The following ID2 variants were observed in gnomAD, a reference collection of about 807,000 sequenced individuals.
ID2 encodes inhibitor of DNA binding 2, also known as DNA-binding protein inhibitor ID-2.
A neutral mutation model predicts 8.3 loss-of-function variants in ID2; 2 were observed. That is an observed-to-expected ratio of 0.24 (90% CI 0.10 to 0.76). The LOEUF (loss-of-function observed/expected upper bound fraction) is 0.76, where lower values mean the gene tolerates loss of function less well. Ranked by LOEUF, ID2 falls within the 30% of genes least tolerant of loss-of-function variation. The pLI is 0.73. For missense variants in ID2, 155 were observed against 167.0 expected (o/e 0.93, Z 0.40); for synonymous variants, 112 against 72.3 (o/e 1.55, Z -2.79).
Position 8,684,444 on chromosome 2 carries a change from C to A in ID2, c.*767C>A, listed in dbSNP as rs932443603. 4 of 150,440 alleles carry A rather than the reference C, an allele frequency of 2.7e-5. No individual in the cohort carries two copies. The highest frequency in any genetic ancestry group is 9.9e-5 in the African/African-American group (4 of 40,526). The allele number at this position is 150,440 out of a possible 1,614,324, so 9.3% of individuals were successfully genotyped here. A position where few individuals can be genotyped will look rare whatever the true frequency, so the allele number is the denominator to read the frequency against. ...TGTATAAGATTATAATAAAACATGT[C>A]TGAAGTCAATACCTGAATTCCGAGT... On this transcript the variant is annotated 3_prime_UTR_variant, in exon 3 of 3. Coordinates refer to ENST00000396290, the MANE Select transcript of ID2 (RefSeq NM_002166.5).
At chr2:8,682,775 A>C (rs55940816) in intron 1 of ID2, 68 bp from the exon 2 acceptor site, 13,795 of 1,179,110 alleles carry the variant, frequency 0.012, 140 homozygotes, top group Middle Eastern at 0.03. Flanking sequence ...AAAAAAAAAA[A>C]AAAAAAAAAA....
intron 2 of ID2, chr2:8,683,129 A>G (rs1481700427): frequency 5.2e-6 from 3 of 573,364 alleles, no homozygotes; most frequent in African/African-American, 1.9e-5. Context: ...AATGATGCCA[A>G]TAACTTACTA....
chr2:8,682,800 AAC>A, intron 1 of ID2, 41 bp from the exon 2 acceptor site: 1 of 1,412,508 alleles, frequency 7.1e-7, no homozygotes, highest in Non-Finnish European at 9.9e-7. Context: ...CTTTCTACTT[AAC>A]ATTGTCTTAA....
rs11545142 is a variant in ID2, at chr2:8,682,191, C to T, written c.26C>T (p.Ser9Phe). The T allele has an allele frequency of 6.2e-7, 1 of 1,613,820 alleles. No individual in the cohort carries two copies. Among genetic ancestry groups the T allele is most frequent in the Non-Finnish European group, 8.5e-7 (1 of 1,180,006 alleles). The change falls in exon 1 of 3, where the codon TCC (serine) becomes TTC (phenylalanine). Residue 9 changes from serine to phenylalanine, a missense_variant. Around this residue, in one of 3 missense-constraint regions of ID2, gnomAD observed 73 missense variants for 72.2 expected, o/e 1.01. Transcript: ENST00000396290. MKAFSPVR[S>F]VRKNSLSDHS... Reference sequence around the variant, plus strand: ...ATGAAAGCCTTCAGTCCCGTGAGGTCCGTTAGGAAAAACAGCCTGTCGGAC... The same window carrying T: ...ATGAAAGCCTTCAGTCCCGTGAGGTTCGTTAGGAAAAACAGCCTGTCGGAC...
rs1003495392 is a variant in ID2, at chr2:8,682,143, T to C, written c.-23T>C. 2 of 1,596,114 alleles carry C rather than the reference T, an allele frequency of 1.3e-6. No individual in the cohort carries two copies. The highest frequency in any genetic ancestry group is 2.7e-5 in the African/African-American group (2 of 74,554). On this transcript the variant is annotated 5_prime_UTR_variant, in exon 1 of 3. Transcript: ENST00000396290. ...TTCAGGGCAGCCAGCTCCCTCCCGG[T>C]CTCGCCTTCCCTCGCGGTCAGCATG...
In ID2 at chr2:8,682,192, C is replaced by G; in HGVS notation, c.27C>G (p.Ser9=). MKAFSPVR[S]VRKNSLSDHS... ...TGAAAGCCTTCAGTCCCGTGAGGTC[C>G]GTTAGGAAAAACAGCCTGTCGGACC... Residue 9 remains serine (S), a synonymous_variant, in exon 1 of 3, where the codon TCC becomes TCG. Transcript: ENST00000396290. 2 of 1,613,792 alleles carry G rather than the reference C, an allele frequency of 1.2e-6. No homozygotes were observed. The highest frequency in any genetic ancestry group is 3.3e-4 in the Middle Eastern group (2 of 6,062).
chr2:8,683,382 A>G (rs80204205), intron 2 of ID2, among the ~76,000 whole-genome samples: 2,756 of 152,318 alleles, frequency 0.018, 105 homozygotes, highest in African/African-American at 0.063. Flanking sequence ...CTATCTGTTA[A>G]CTAAAGGGCT....
Position 8,682,165 on chromosome 2 carries a change from C to A in ID2, c.-1C>A. 6.2e-7 allele frequency: 1 copy of A among 1,611,894 alleles called. No individual in the cohort carries two copies. The highest frequency in any genetic ancestry group is 8.5e-7 in the Non-Finnish European group (1 of 1,179,056). ...CGGTCTCGCCTTCCCTCGCGGTCAG[C>A]ATGAAAGCCTTCAGTCCCGTGAGGT... is the stretch of plus-strand genomic sequence containing the variant. On this transcript the variant is annotated 5_prime_UTR_variant, in exon 1 of 3. Transcript: ENST00000396290.
chr2:8,682,783 A>G (rs1371755978), intron 1 of ID2, 60 bp from the exon 2 acceptor site: 1 of 1,308,578 alleles, frequency 7.6e-7, no homozygotes, highest in Middle Eastern at 1.8e-4. Flanking sequence ...AAAAAAAAAA[A>G]AAAACCCTTT....
rs1474427923 is a variant in ID2, at chr2:8,683,770, C to T, written c.*93C>T. On this transcript the variant is annotated 3_prime_UTR_variant, in exon 3 of 3. Coordinates refer to ENST00000396290, the MANE Select transcript of ID2 (RefSeq NM_002166.5). ...TTAAGTGCTGAACTTATTTTTCAACCATTTCACAAGGAGGACAAGTTGAAT... is the reference window on the plus strand; with the variant it reads ...TTAAGTGCTGAACTTATTTTTCAACTATTTCACAAGGAGGACAAGTTGAAT... The T allele has an allele frequency of 1.3e-5, 2 of 152,338 alleles. No individual in the cohort carries two copies. The highest frequency in any genetic ancestry group is 2.9e-5 in the Non-Finnish European group (2 of 68,028). 9.4% of individuals were successfully genotyped at this position (152,338 alleles called of 1,614,324 possible). A position where few individuals can be genotyped will look rare whatever the true frequency, so the allele number is the denominator to read the frequency against.
At chr2:8,682,582 A>G in intron 1 of ID2, 69 bp downstream of exon 1, 2 of 1,146,110 alleles carry the variant, frequency 1.7e-6, no homozygotes, top group South Asian at 1.3e-5. Context: ...TGTCACTAGG[A>G]GATCCGTAGC....
Position 8,682,263 on chromosome 2 carries a change from T to C in ID2, c.98T>C (p.Met33Thr), listed in dbSNP as rs1252358683. 1.2e-6 allele frequency: 2 copies of C among 1,614,136 alleles called. No homozygotes were observed. The highest frequency in any genetic ancestry group is 1.7e-5 in the Admixed American group (1 of 60,028). ...AGCAAAACCCCTGTGGACGACCCGA[T>C]GAGCCTGCTATACAACATGAACGAC... ...SRSKTPVDDPMSLLYNMNDCY... is the reference protein window; with the variant it reads ...SRSKTPVDDPTSLLYNMNDCY... Residue 33 changes from methionine to threonine, a missense_variant, in exon 1 of 3, where the codon ATG becomes ACG. By Grantham distance (81) the Met-to-Thr change is moderately conservative. Transcript: ENST00000396290.
chr2:8,684,159 C>T lies in ID2; in HGVS notation c.*482C>T, dbSNP rs1186880253. ...ATAAATATATCTATTTGAGTGAAAC[C>T]TTGTGAACTCTTTAATTAGAGTTTT... is the stretch of plus-strand genomic sequence containing the variant. On this transcript the variant is annotated 3_prime_UTR_variant, in exon 3 of 3. Transcript: ENST00000396290. 2.6e-5 allele frequency: 4 copies of T among 152,222 alleles called. No homozygotes were observed. Among genetic ancestry groups the T allele is most frequent in the East Asian group, 3.9e-4 (2 of 5,186 alleles). The allele number at this position is 152,222 out of a possible 1,614,324, so 9.4% of individuals were successfully genotyped here. A position where few individuals can be genotyped will look rare whatever the true frequency, so the allele number is the denominator to read the frequency against.
chr2:8,683,833 C>CT lies in ID2; in HGVS notation c.*157dup, dbSNP rs1662163987. On this transcript the variant is annotated 3_prime_UTR_variant, in exon 3 of 3. Transcript: ENST00000396290. ...AAAGAAAAAAAAAATGGAAGGAAAA[C>CT]TAAGAATGATCATCTTCCCAGGGTG... 1 of 152,416 alleles carries CT rather than the reference C, an allele frequency of 6.6e-6. No homozygotes were observed. Among genetic ancestry groups the CT allele is most frequent in the Non-Finnish European group, 1.5e-5 (1 of 68,012 alleles). 9.4% of individuals were successfully genotyped at this position (152,416 alleles called of 1,614,324 possible).
chr2:8,682,604 C>T lies in ID2; in HGVS notation c.348+91C>T, dbSNP rs987560202. On this transcript the variant is annotated intron_variant, in intron 1 of 2. Transcript: ENST00000396290. ...AGGAGATCCGTAGCCCAGACGGTGACTTTCGTATGAGCTATTTAACTTTAT... is the reference window on the plus strand; with the variant it reads ...AGGAGATCCGTAGCCCAGACGGTGATTTTCGTATGAGCTATTTAACTTTAT... 2.0e-5 allele frequency: 18 copies of T among 915,290 alleles called. No individual in the cohort carries two copies. In the African/African-American group the frequency reaches 2.5e-4, roughly 13 times the overall value. The allele number at this position is 915,290 out of a possible 1,614,324, so 56.7% of individuals were successfully genotyped here.
rs1662180389 is a variant in ID2 at position 8,684,137 on chromosome 2, AAT to A, written c.*465_*466del. The A allele has an allele frequency of 2.0e-5, 3 of 152,192 alleles. No homozygotes were observed. Among genetic ancestry groups the A allele is most frequent in the Admixed American group, 1.3e-4 (2 of 15,274 alleles). 9.4% of individuals were successfully genotyped at this position (152,192 alleles called of 1,614,324 possible). A position where few individuals can be genotyped will look rare whatever the true frequency, so the allele number is the denominator to read the frequency against. ...AATGCTGTGTATATATTTATATATA[AAT>A]ATATCTATTTGAGTGAAACCTTGTG... On this transcript the variant is annotated 3_prime_UTR_variant, in exon 3 of 3. Transcript: ENST00000396290.
intron 1 of ID2, 122 bp from the exon 2 acceptor site, chr2:8,682,721 A>G: frequency 2.5e-6 from 2 of 815,462 alleles, no homozygotes; most frequent in Non-Finnish European, 4.0e-6. Flanking sequence ...CTGAATTGTT[A>G]CCATAAACGT....
At position 8,682,797 on chromosome 2, in the gene ID2, C is replaced by T. The variant is rs371033023; in HGVS notation, c.349-46C>T. On this transcript the variant is annotated intron_variant, in intron 1 of 2. Transcript: ENST00000396290. ...AAAAAAAAAAAAAAAACCCTTTCTA[C>T]TTAACATTGTCTTAACCTCGTACTC... 8 of 1,066,584 alleles carry T rather than the reference C, an allele frequency of 7.5e-6. No homozygotes were observed. In the East Asian group the frequency reaches 1.7e-4, roughly 23 times the overall value. The allele number at this position is 1,066,584 out of a possible 1,614,324, so 66.1% of individuals were successfully genotyped here.
intron 2 of ID2, among the ~76,000 whole-genome samples, 191 bp from the exon 3 acceptor site, chr2:8,683,494 C>T (rs976874084): frequency 2.0e-5 from 3 of 152,108 alleles, no homozygotes; most frequent in Admixed American, 6.6e-5. Flanking sequence ...TCCCTTGAGT[C>T]TCTGCTATTT....
Sources: gnomAD v4.1 joint callset for allele counts (sites outside exome capture counted in the v4.1 genomes callset) on GRCh38, gnomAD v4.1.1 for gene constraint, gnomAD v4.1.1 regional missense constraint, MANE v1.5 for transcripts, NCBI Gene and HGNC (gene_info 2026-07-23, HGNC 2026-07-21) for gene names.